The following NFIB variants were observed in gnomAD, a reference collection of about 807,000 sequenced individuals.
NFIB encodes nuclear factor 1 B-type.
Under a neutral mutation model 61.5 loss-of-function variants are expected in NFIB, and 11 were observed. The observed-to-expected ratio is 0.18, with a 90% CI of 0.11 to 0.30. NFIB has a LOEUF of 0.30. NFIB is among the 10% of genes least tolerant of loss of function. The probability of loss-of-function intolerance (pLI) is 1.00; values close to 1 mark genes in which losing one functional copy is unlikely to be tolerated. For missense variants in NFIB, 471 were observed against 608.9 expected (o/e 0.77, Z 2.38); for synonymous variants, 260 against 216.5 (o/e 1.20, Z -1.76).
At chr9:14,388,342 G>A in intron 1 of NFIB, among the ~76,000 whole-genome samples, 1 of 149,684 alleles carries the variant, frequency 6.7e-6, no homozygotes, top group African/African-American at 2.5e-5. Context: ...GCCACAGAAT[G>A]AGACCTTTTC....
At chr9:14,194,604 C>T (rs951618645) in intron 2 of NFIB, among the ~76,000 whole-genome samples, 6 of 152,062 alleles carry the variant, frequency 3.9e-5, no homozygotes, top group Admixed American at 2.0e-4. Context: ...CCAGTTCTTC[C>T]AATGTACTGT....
the NFIB span, among the ~76,000 whole-genome samples, chr9:14,449,884 G>A: frequency 6.6e-6 from 1 of 151,976 alleles, no homozygotes; most frequent in African/African-American, 2.4e-5. Flanking sequence ...CAAGTGAGCC[G>A]AGATCACGCC....
At chr9:14,367,501 CA>C (rs1340855392) in intron 1 of NFIB, among the ~76,000 whole-genome samples, 1 of 151,960 alleles carries the variant, frequency 6.6e-6, no homozygotes, top group Non-Finnish European at 1.5e-5. Context: ...GAATGAGGGT[CA>C]AAAGGTTGTA....
intron 1 of NFIB, among the ~76,000 whole-genome samples, chr9:14,312,731 G>A (rs2060341243): frequency 6.6e-6 from 1 of 152,152 alleles, no homozygotes; most frequent in Non-Finnish European, 1.5e-5. Context: ...ACTTCTACCA[G>A]CATTACTTAA....
chr9:14,204,053 T>A (rs535814754), intron 2 of NFIB, among the ~76,000 whole-genome samples: 1 of 152,294 alleles, frequency 6.6e-6, no homozygotes, highest in African/African-American at 2.4e-5. Flanking sequence ...AAACTTATAA[T>A]CTCTATCAAA....
In NFIB at chr9:14,327,744, T is replaced by C. The variant is rs187541105; in HGVS notation, c.109-20224A>G. 4.7e-4 allele frequency among the ~76,000 whole-genome samples: 71 copies of C among 152,274 alleles called. 2 individuals are homozygous for C. The highest frequency in any genetic ancestry group is 9.6e-4 in the Non-Finnish European group (65 of 68,022). ...TTGTAGAATGAAAATAGTGTTCATATAGAAACCAAAGAAAAATGTAATTAG... is the reference window on the plus strand; with the variant it reads ...TTGTAGAATGAAAATAGTGTTCATACAGAAACCAAAGAAAAATGTAATTAG... On this transcript the variant is annotated intron_variant, in intron 1 of 8. Transcript: ENST00000380934.
rs2054811649 is a variant in NFIB, at chr9:14,245,463, AG to A, written c.562+61525del. Among the ~76,000 whole-genome samples the A allele has an allele frequency of 2.0e-5, 3 of 151,956 alleles. No individual in the cohort carries two copies. In the South Asian group the frequency reaches 6.2e-4, roughly 31 times the overall value. ...AAACCAGGACAGAACAAAACAAAACAGAAAAAAAAAACCAACGGCAACAAAA... is the reference window on the plus strand; with the variant it reads ...AAACCAGGACAGAACAAAACAAAACAAAAAAAAAAACCAACGGCAACAAAA... On this transcript the variant is annotated intron_variant, in intron 2 of 10. Transcript: ENST00000380953.
intron 1 of NFIB, among the ~76,000 whole-genome samples, chr9:14,356,120 T>TG (rs769314075): frequency 6.6e-6 from 1 of 152,306 alleles, no homozygotes; most frequent in Non-Finnish European, 1.5e-5. Context: ...ATTAAGATTA[T>TG]GGGGTCCCAA....
intron 2 of NFIB, among the ~76,000 whole-genome samples, chr9:14,212,084 C>T (rs76448639): frequency 0.092 from 13,963 of 152,146 alleles, 2,122 homozygotes; most frequent in African/African-American, 0.32. Flanking sequence ...GGTAACTGGA[C>T]TTTCCTTAAA....
rs74616588 is a variant in NFIB at position 14,110,358 on chromosome 9, T to G, written c.1467+2641A>C. On this transcript the variant is annotated intron_variant, in intron 10 of 10. Transcript: ENST00000380953. ...AAAGCAGCCACCATGAACTGAAGAA[T>G]GTACCTGGTGACGATATTTATTCTT... is the stretch of plus-strand genomic sequence containing the variant. Among the ~76,000 whole-genome samples, 2,568 of 152,176 alleles carry G rather than the reference T, an allele frequency of 0.017. 211 individuals carry two copies. In the East Asian group the frequency reaches 0.25, roughly 15 times the overall value.
chr9:14,095,269 G>C (rs1188123811), intron 10 of NFIB, among the ~76,000 whole-genome samples: 1 of 152,018 alleles, frequency 6.6e-6, no homozygotes, highest in Non-Finnish European at 1.5e-5. Flanking sequence ...GAAAATGAAA[G>C]ATGAAAAATT....
chr9:14,135,128 G>A (rs568847665), intron 6 of NFIB, among the ~76,000 whole-genome samples: 105 of 152,132 alleles, frequency 6.9e-4, no homozygotes, highest in Non-Finnish European at 2.2e-4. Context: ...GAGATTACAG[G>A]TGATTTTTAT....
the NFIB span, among the ~76,000 whole-genome samples, chr9:14,459,729 AAAG>A: frequency 6.6e-6 from 1 of 152,228 alleles, no homozygotes; most frequent in East Asian, 1.9e-4. Context: ...ACACTTCTCA[AAAG>A]AAGACATTTA....
At chr9:14,442,408 G>C in the NFIB span, among the ~76,000 whole-genome samples, 1 of 152,164 alleles carries the variant, frequency 6.6e-6, no homozygotes, top group Non-Finnish European at 1.5e-5. Context: ...AAATGCATTT[G>C]ACAAAATGTC....
chr9:14,109,899 CCAAG>C (rs2037086925), intron 10 of NFIB, among the ~76,000 whole-genome samples: 2 of 151,828 alleles, frequency 1.3e-5, no homozygotes, highest in African/African-American at 4.8e-5. Context: ...ACTAGTATTC[CCAAG>C]CAGTTAGCAA....
chr9:14,306,526 T>C (rs1207802704), intron 2 of NFIB, among the ~76,000 whole-genome samples: 2 of 152,200 alleles, frequency 1.3e-5, no homozygotes, highest in African/African-American at 4.8e-5. Context: ...ACTAAGTTCA[T>C]AAACAAAGTC....
chr9:14,114,674 C>A (rs562565768), intron 9 of NFIB, among the ~76,000 whole-genome samples: 4 of 152,274 alleles, frequency 2.6e-5, no homozygotes, highest in African/African-American at 9.6e-5. Context: ...AATTCATTAA[C>A]AAACAGGCTG....
intron 6 of NFIB, among the ~76,000 whole-genome samples, chr9:14,127,518 C>A (rs1321030822): frequency 2.0e-5 from 3 of 152,110 alleles, no homozygotes; most frequent in Non-Finnish European, 2.9e-5. Context: ...TATCATATAA[C>A]TTTGCTTCTA....
intron 6 of NFIB, among the ~76,000 whole-genome samples, chr9:14,141,444 A>G (rs2041688026): frequency 6.6e-6 from 1 of 152,190 alleles, no homozygotes; most frequent in Admixed American, 6.5e-5. Context: ...GATTTTATGT[A>G]AAGATTTACG....
Sources: gnomAD v4.1 joint callset for allele counts (sites outside exome capture counted in the v4.1 genomes callset) on GRCh38, gnomAD v4.1.1 for gene constraint, MANE v1.5 for transcripts, NCBI Gene and HGNC (gene_info 2026-07-23, HGNC 2026-07-21) for gene names.